The following NAGA variants were observed in gnomAD, a reference collection of about 807,000 sequenced individuals.
The protein encoded by NAGA is Acetylgalactosaminidase, alpha-N- (alpha-galactosidase B).
A neutral mutation model predicts 45.6 loss-of-function variants in NAGA; 42 were observed. The ratio of observed to expected loss-of-function variants is 0.92; its 90% CI spans 0.72 to 1.19. The LOEUF (loss-of-function observed/expected upper bound fraction) is 1.19. Among genes scored for constraint, NAGA ranks in the 50% most tolerant of loss-of-function variants. The pLI is 0.00. For synonymous variants in NAGA, 176 were observed against 203.1 expected, an observed-to-expected ratio of 0.87 and a Z score of 1.13; for missense variants, 493 against 544.8, an observed-to-expected ratio of 0.90 and a Z score of 0.95.
intron 7 of NAGA, among the ~76,000 whole-genome samples, chr22:42,061,402 G>A (rs1248953953): frequency 6.6e-6 from 1 of 152,254 alleles, no homozygotes; most frequent in African/African-American, 2.4e-5. Context: ...TACAGCGTAT[G>A]AGTGCTGGCC....
chr22:42,070,135 G>A (rs980230431), intron 1 of NAGA, 147 bp downstream of exon 1: 18 of 942,414 alleles, frequency 1.9e-5, no homozygotes, highest in Non-Finnish European at 2.3e-5. Context: ...TCCCGTATGG[G>A]GAAGCATCTC....
Position 42,067,891 on chromosome 22 carries a change from T to G in NAGA, c.198A>C (p.Gly66=). 6.2e-7 allele frequency: 1 copy of G among 1,613,740 alleles called. No individual in the cohort carries two copies. Among genetic ancestry groups the G allele is most frequent in the Non-Finnish European group, 8.5e-7 (1 of 1,179,992 alleles). ...MEMADRMAQD[G]WRDMGYTYLN... Reference sequence around the variant, plus strand: ...GGTATGTGTAGCCCATGTCCCGCCATCCATCCTGTGCCATCCGGTCAGCCA... The same window carrying G: ...GGTATGTGTAGCCCATGTCCCGCCAGCCATCCTGTGCCATCCGGTCAGCCA... The change falls in exon 3 of 9, where the codon GGA becomes GGC. Residue 66 remains glycine (G), a synonymous_variant. Coordinates refer to ENST00000396398, the MANE Select transcript of NAGA (RefSeq NM_000262.3).
chr22:42,069,170 G>C (rs2146846134), intron 1 of NAGA, among the ~76,000 whole-genome samples: 1 of 152,338 alleles, frequency 6.6e-6, no homozygotes, highest in Middle Eastern at 3.4e-3. Flanking sequence ...GGCGGAGGCT[G>C]CAGTGAGCTG....
At chr22:42,060,862 A>G in intron 8 of NAGA, 62 bp downstream of exon 8, 4 of 1,609,950 alleles carry the variant, frequency 2.5e-6, no homozygotes, top group Non-Finnish European at 3.4e-6. Context: ...ACCACCCCCC[A>G]TAATACCCTC....
At position 42,060,056 on chromosome 22, in the gene NAGA, G is replaced by A; in HGVS notation, c.*223C>T. 2 of 575,822 alleles carry A rather than the reference G, an allele frequency of 3.5e-6. No homozygotes were observed. Among genetic ancestry groups the A allele is most frequent in the Non-Finnish European group, 6.2e-6 (2 of 321,286 alleles). 35.7% of individuals were successfully genotyped at this position (575,822 alleles called of 1,614,324 possible). The stretch of plus-strand genomic sequence containing the variant: ...GTGGGGCTGCGCACATGGAAGTAGA[G>A]GCCAGGAAGGCCACAGGAAAATTGC... On this transcript the variant is annotated 3_prime_UTR_variant, in exon 9 of 9. Transcript: ENST00000396398.
chr22:42,069,573 C>T (rs1353811680), intron 1 of NAGA, among the ~76,000 whole-genome samples: 1 of 149,554 alleles, frequency 6.7e-6, no homozygotes, highest in Non-Finnish European at 1.5e-5. Flanking sequence ...CGAGATCGCG[C>T]CACTCTACTC....
chr22:42,070,501 G>C lies in NAGA; in HGVS notation c.-204C>G. On this transcript the variant is annotated 5_prime_UTR_variant, in exon 1 of 9. Coordinates refer to ENST00000396398, the MANE Select transcript of NAGA (RefSeq NM_000262.3). The stretch of plus-strand genomic sequence containing the variant: ...CCATCCCCAGCCATCACTTCCCGGA[G>C]CTTCAGTTCTTCCTTCAGAAATACG... 1 of 671,270 alleles carries C rather than the reference G, an allele frequency of 1.5e-6. No individual in the cohort carries two copies. Among genetic ancestry groups the C allele is most frequent in the South Asian group, 1.6e-5 (1 of 62,908 alleles). 41.6% of individuals were successfully genotyped at this position (671,270 alleles called of 1,614,324 possible). A position where few individuals can be genotyped will look rare whatever the true frequency, so the allele number is the denominator to read the frequency against.
In NAGA at chr22:42,062,908, C is replaced by T. The variant is rs1602492518; in HGVS notation, c.876G>A (p.Gln292=). Residue 292 remains glutamine (Q), a synonymous_variant, in exon 7 of 9, where the codon CAG becomes CAA. Transcript: ENST00000396398. ...MSTDLRTISA[Q]NMDILQNPLM... Reference sequence around the variant, plus strand: ...GTGGATTCTGCAGAATGTCCATGTTCTGGGCGGAGATGGTACGCAGGTCTG... The same window carrying T: ...GTGGATTCTGCAGAATGTCCATGTTTTGGGCGGAGATGGTACGCAGGTCTG... 6.2e-7 allele frequency: 1 copy of T among 1,614,202 alleles called. No individual in the cohort carries two copies. The highest frequency in any genetic ancestry group is 1.3e-5 in the African/African-American group (1 of 75,036).
At chr22:42,060,869 C>A in intron 8 of NAGA, 55 bp downstream of exon 8, 1 of 1,611,990 alleles carries the variant, frequency 6.2e-7, no homozygotes. Context: ...CCCATAATAC[C>A]CTCCCACAGA....
chr22:42,063,443 TAGCC>T (rs1331531800), intron 6 of NAGA, among the ~76,000 whole-genome samples: 1 of 151,532 alleles, frequency 6.6e-6, no homozygotes, highest in Admixed American at 6.6e-5. Flanking sequence ...GTAAGATAAA[TAGCC>T]AGACAACCAT....
Position 42,062,945 on chromosome 22 carries a change from A to T in NAGA, c.839T>A (p.Leu280His). 1 of 1,614,096 alleles carries T rather than the reference A, an allele frequency of 6.2e-7. No homozygotes were observed. The highest frequency in any genetic ancestry group is 8.5e-7 in the Non-Finnish European group (1 of 1,180,012). The change falls in exon 7 of 9, where the codon CTC becomes CAC. Residue 280 changes from leucine to histidine, a missense_variant. Transcript: ENST00000396398. ...MALWTVLAAP[L>H]LMSTDLRTIS... ...GGTACGCAGGTCTGTGGACATCAAG[A>T]GGGGGGCTGCCAGCACCGTCCACAG... is the stretch of plus-strand genomic sequence containing the variant.
intron 7 of NAGA, among the ~76,000 whole-genome samples, chr22:42,061,951 C>CA (rs36076400): frequency 0.67 from 55,120 of 82,274 alleles, 18,178 homozygotes; most frequent in East Asian, 0.84. Flanking sequence ...GACTCCATCT[C>CA]AAAAAAAAAA....
chr22:42,066,065 C>T (rs1424716273), intron 5 of NAGA, among the ~76,000 whole-genome samples, 166 bp from the exon 6 acceptor site: 1 of 152,114 alleles, frequency 6.6e-6, no homozygotes, highest in East Asian at 1.9e-4. Flanking sequence ...CAGAGGGTGG[C>T]CCTGCTCTGG....
At chr22:42,067,702 C>A (rs1185931249) in intron 3 of NAGA, 63 bp downstream of exon 3, 8 of 1,411,340 alleles carry the variant, frequency 5.7e-6, no homozygotes, top group African/African-American at 4.3e-5. Flanking sequence ...GAGCCCTAAG[C>A]GAGGTAGGGT....
In NAGA at chr22:42,066,747, C is replaced by T; in HGVS notation, c.560G>A (p.Cys187Tyr). 1.2e-6 allele frequency: 2 copies of T among 1,606,842 alleles called. No individual in the cohort carries two copies. The highest frequency in any genetic ancestry group is 1.3e-5 in the African/African-American group (1 of 74,966). The stretch of plus-strand genomic sequence containing the variant: ...GCCGCCTTCATAGGCTGGCCAGCTG[C>T]AGGAGAAGGCGATGGGGCGGCCTGT... ...NATGRPIAFS[C>Y]SWPAYEGGLP... The change falls in exon 5 of 9, where the codon TGC becomes TAC. Residue 187 changes from cysteine (C) to tyrosine (Y), a missense_variant. Cys to Tyr is a radical substitution (Grantham distance 194, BLOSUM62 -2). Coordinates refer to ENST00000396398, the MANE Select transcript of NAGA (RefSeq NM_000262.3).
chr22:42,059,514 G>A lies in NAGA; in HGVS notation c.*765C>T, dbSNP rs1305279584. ...GGCAGAGCACAAGCTGCAGGACCTG[G>A]GAGCATTGCTACTTGGCCTCATTGT... On this transcript the variant is annotated 3_prime_UTR_variant, in exon 9 of 9. Coordinates refer to ENST00000396398, the MANE Select transcript of NAGA (RefSeq NM_000262.3). 1 of 152,540 alleles carries A rather than the reference G, an allele frequency of 6.6e-6. No individual in the cohort carries two copies. The highest frequency in any genetic ancestry group is 2.4e-5 in the African/African-American group (1 of 41,474). 9.4% of individuals were successfully genotyped at this position (152,540 alleles called of 1,614,324 possible).
At position 42,070,361 on chromosome 22, in the gene NAGA, T is replaced by TG; in HGVS notation, c.-65dup. 1 of 1,602,888 alleles carries TG rather than the reference T, an allele frequency of 6.2e-7. No homozygotes were observed. Among genetic ancestry groups the TG allele is most frequent in the Non-Finnish European group, 8.5e-7 (1 of 1,169,820 alleles). ...GTCTGCGTGTATCAGCTGTATGTGTTGGGCTCTGGAAGCTAAGAAACGTCT... is the reference window on the plus strand; with the variant it reads ...GTCTGCGTGTATCAGCTGTATGTGTTGGGGCTCTGGAAGCTAAGAAACGTCT... On this transcript the variant is annotated 5_prime_UTR_variant, in exon 1 of 9. Coordinates refer to ENST00000396398, the MANE Select transcript of NAGA (RefSeq NM_000262.3).
rs1252485717 is a variant in NAGA at position 42,059,669 on chromosome 22, G to C, written c.*610C>G. 1 of 155,262 alleles carries C rather than the reference G, an allele frequency of 6.4e-6. No individual in the cohort carries two copies. Among genetic ancestry groups the C allele is most frequent in the Non-Finnish European group, 1.4e-5 (1 of 69,882 alleles). The allele number at this position is 155,262 out of a possible 1,614,324, so 9.6% of individuals were successfully genotyped here. On this transcript the variant is annotated 3_prime_UTR_variant, in exon 9 of 9. Coordinates refer to ENST00000396398, the MANE Select transcript of NAGA (RefSeq NM_000262.3). ...GAAAAGGAGGGGCCAGACGATGCCA[G>C]ACATCATCCATAGAGGTGAGATTTG...
At chr22:42,069,176 A>G (rs1326726655) in intron 1 of NAGA, among the ~76,000 whole-genome samples, 2 of 152,224 alleles carry the variant, frequency 1.3e-5, no homozygotes, top group Non-Finnish European at 2.9e-5. Flanking sequence ...GGCTGCAGTG[A>G]GCTGAGATCG....
Sources: gnomAD v4.1 joint callset for allele counts (sites outside exome capture counted in the v4.1 genomes callset) on GRCh38, gnomAD v4.1.1 for gene constraint, MANE v1.5 for transcripts, NCBI Gene and HGNC (gene_info 2026-07-23, HGNC 2026-07-21) for gene names.